PDE1C: variants seen among roughly 807,000 people sequenced by gnomAD.
PDE1C encodes the protein dual specificity calcium/calmodulin-dependent 3',5'-cyclic nucleotide phosphodiesterase 1C.
PDE1C carries 62 observed loss-of-function variants against 93.1 expected under a neutral mutation model. That is an observed-to-expected ratio of 0.67 (90% CI 0.54 to 0.82). The LOEUF is 0.82. PDE1C is among the 40% of genes least tolerant of loss of function. The pLI, the probability that PDE1C is intolerant of heterozygous loss-of-function variation, is 0.00. For missense variants in PDE1C, 742 were observed against 884.6 expected (o/e 0.84, Z 2.04); for synonymous variants, 325 against 310.1 (o/e 1.05, Z -0.50).
intron 3 of PDE1C, among the ~76,000 whole-genome samples, chr7:32,096,795 A>G (rs1797766924): frequency 6.6e-6 from 1 of 151,114 alleles, no homozygotes. Flanking sequence ...GGTTCTGCAG[A>G]GAATCAGAAC....
chr7:32,209,098 T>C (rs1335054515), intron 2 of PDE1C, among the ~76,000 whole-genome samples: 2 of 152,214 alleles, frequency 1.3e-5, no homozygotes, highest in Non-Finnish European at 2.9e-5. Context: ...GCACAGCACT[T>C]CTCAAACTCT....
rs1802665505 is a variant in PDE1C at position 31,921,847 on chromosome 7, T to TAAA, written c.129-40990_129-40988dup. 2.0e-5 allele frequency among the ~76,000 whole-genome samples: 3 copies of TAAA among 152,326 alleles called. No individual in the cohort carries two copies. In the South Asian group the frequency reaches 6.2e-4, roughly 32 times the overall value. On this transcript the variant is annotated intron_variant, in intron 2 of 17. Transcript: ENST00000396191. ...CCATGTTATCAATTATCAATAATAA[T>TAAA]AAAACATAATTATTTGCAGAACATT...
the PDE1C span, among the ~76,000 whole-genome samples, chr7:31,709,809 T>C: frequency 5.3e-5 from 8 of 152,202 alleles, no homozygotes; most frequent in Admixed American, 4.6e-4. Context: ...AAAATAGTTC[T>C]CAGAGCATTG....
intron 3 of PDE1C, among the ~76,000 whole-genome samples, chr7:32,166,814 T>G (rs749390366): frequency 6.9e-4 from 105 of 152,268 alleles, no homozygotes; most frequent in Admixed American, 1.4e-3. Flanking sequence ...TGACGCTGCA[T>G]TTGAATCACA....
chr7:32,199,732 C>CT lies in PDE1C; in HGVS notation c.136+9756dup, dbSNP rs199894843. Among the ~76,000 whole-genome samples, 73 of 151,264 alleles carry CT rather than the reference C, an allele frequency of 4.8e-4. No individual in the cohort carries two copies. The East Asian group carries it at 9.5e-3, about 20-fold the overall frequency. Reference sequence around the variant, plus strand: ...TCTGTCATTTTTAAATAGACCTAGTCTTTTTTTTTCCAGTTTGTCATTATA... The same window carrying CT: ...TCTGTCATTTTTAAATAGACCTAGTCTTTTTTTTTTCCAGTTTGTCATTATA... On this transcript the variant is annotated intron_variant, in intron 2 of 18. Transcript: ENST00000396193.
intron 3 of PDE1C, among the ~76,000 whole-genome samples, chr7:32,106,930 C>A (rs113207067): frequency 6.8e-6 from 1 of 146,110 alleles, no homozygotes; most frequent in African/African-American, 2.5e-5. Flanking sequence ...ATGGAAAAAG[C>A]GGACAGTATA....
chr7:32,342,815 T>C (rs1051679786), intron 1 of PDE1C, among the ~76,000 whole-genome samples: 4 of 152,196 alleles, frequency 2.6e-5, no homozygotes, highest in African/African-American at 7.2e-5. Context: ...ATGCAGTATT[T>C]TCAATACTAA....
chr7:32,283,350 G>T (rs1043395714), intron 1 of PDE1C, among the ~76,000 whole-genome samples: 10 of 151,812 alleles, frequency 6.6e-5, no homozygotes, highest in Admixed American at 3.3e-4. Context: ...CTTTTTTTTT[G>T]TTCAGGGAAG....
At chr7:32,275,764 C>G (rs1185983875) in intron 1 of PDE1C, among the ~76,000 whole-genome samples, 1 of 152,150 alleles carries the variant, frequency 6.6e-6, no homozygotes, top group Non-Finnish European at 1.5e-5. Context: ...TGTAGTTCCC[C>G]TTGTGGTTCA....
intron 1 of PDE1C, among the ~76,000 whole-genome samples, chr7:32,416,063 C>CCAGG (rs1174777052): frequency 6.6e-6 from 1 of 152,114 alleles, no homozygotes; most frequent in Non-Finnish European, 1.5e-5. Flanking sequence ...CCCGCCTCCC[C>CCAGG]CAGGCAGCCT....
chr7:31,795,527 A>G (rs1159430065), intron 16 of PDE1C, among the ~76,000 whole-genome samples: 3 of 151,928 alleles, frequency 2.0e-5, no homozygotes, highest in East Asian at 3.9e-4. Flanking sequence ...GTAGTTCCAC[A>G]AAGTATCTAG....
In PDE1C at chr7:31,836,101, T is replaced by C. The variant is rs187640850; in HGVS notation, c.1203+1079A>G. 1.9e-4 allele frequency among the ~76,000 whole-genome samples: 29 copies of C among 152,320 alleles called. No individual in the cohort carries two copies. In the East Asian group the frequency reaches 5.6e-3, roughly 29 times the overall value. On this transcript the variant is annotated intron_variant, in intron 11 of 17. Coordinates refer to ENST00000396191, the MANE Select transcript of PDE1C (RefSeq NM_001191057.4). The stretch of plus-strand genomic sequence containing the variant: ...AATTAACTGAATTAGCTGTATTAAC[T>C]TGAATTTATTATAATTTAGGTCACC...
intron 1 of PDE1C, among the ~76,000 whole-genome samples, chr7:32,325,219 C>A (rs1181962288): frequency 6.6e-6 from 1 of 152,222 alleles, no homozygotes; most frequent in Non-Finnish European, 1.5e-5. Context: ...CTGCAGCCTG[C>A]GTCACCCTGA....
chr7:31,781,588 G>A (rs1298417960), intron 16 of PDE1C, among the ~76,000 whole-genome samples: 7 of 152,042 alleles, frequency 4.6e-5, no homozygotes, highest in African/African-American at 9.7e-5. Flanking sequence ...ACAAATCATC[G>A]TTTTTGCCCC....
intron 2 of PDE1C, among the ~76,000 whole-genome samples, chr7:31,945,091 T>C (rs1241141828): frequency 6.6e-6 from 1 of 152,174 alleles, no homozygotes; most frequent in African/African-American, 2.4e-5. Flanking sequence ...CCATCTAAAT[T>C]GAAATCTATT....
chr7:31,659,636 C>T, the PDE1C span, among the ~76,000 whole-genome samples: 6 of 152,280 alleles, frequency 3.9e-5, no homozygotes, highest in Admixed American at 3.9e-4. Flanking sequence ...TAGAGCCATA[C>T]ATTTTGCTTT....
At chr7:32,224,786 C>T (rs1807131723) in intron 1 of PDE1C, among the ~76,000 whole-genome samples, 1 of 152,152 alleles carries the variant, frequency 6.6e-6, no homozygotes, top group Admixed American at 6.5e-5. Flanking sequence ...AGCCCAAACC[C>T]TGCTCTGGTC....
At chr7:31,989,766 G>A (rs769278164) in intron 2 of PDE1C, among the ~76,000 whole-genome samples, 7 of 152,178 alleles carry the variant, frequency 4.6e-5, no homozygotes, top group Non-Finnish European at 1.0e-4. Context: ...CTGTGTCTAT[G>A]TCTCAGCTTT....
At chr7:32,405,730 C>T (rs1300544548) in intron 1 of PDE1C, among the ~76,000 whole-genome samples, 1 of 152,160 alleles carries the variant, frequency 6.6e-6, no homozygotes, top group Non-Finnish European at 1.5e-5. Context: ...TGTCCCCTCA[C>T]CCCTGCCTAC....
Sources: allele counts gnomAD v4.1 joint callset (sites outside exome capture counted in the v4.1 genomes callset), GRCh38; gene constraint gnomAD v4.1.1; transcripts MANE v1.5; gene names NCBI Gene and HGNC (gene_info 2026-07-23, HGNC 2026-07-21).